Variants in PKIA observed in about 807,000 individuals in gnomAD.
PKIA encodes cAMP-dependent protein kinase inhibitor alpha, also known as PKI-alpha.
A neutral mutation model predicts 7.6 loss-of-function variants in PKIA; 4 were observed. The ratio of observed to expected loss-of-function variants is 0.52; its 90% CI spans 0.26 to 1.20. The LOEUF (loss-of-function observed/expected upper bound fraction) is 1.20. PKIA is among the 50% of genes most tolerant of loss of function. The pLI, the probability that PKIA is intolerant of heterozygous loss-of-function variation, is 0.13. For missense variants in PKIA, 73 were observed against 86.2 expected (o/e 0.85, Z 0.61); for synonymous variants, 21 against 30.7 (o/e 0.68, Z 1.04).
intron 2 of PKIA, among the ~76,000 whole-genome samples, chr8:78,579,828 G>A (rs968799217): frequency 6.6e-6 from 1 of 152,024 alleles, no homozygotes; most frequent in South Asian, 2.1e-4. Flanking sequence ...ATTCTGAACA[G>A]GAAATCAAGA....
intron 2 of PKIA, among the ~76,000 whole-genome samples, chr8:78,588,492 A>AAAC (rs1244361702): frequency 2.6e-5 from 4 of 152,096 alleles, no homozygotes; most frequent in Non-Finnish European, 5.9e-5. Context: ...AAAAAAATAT[A>AAAC]AACAACAACA....
At chr8:78,558,399 G>A (rs1343678763) in intron 1 of PKIA, 1 of 153,700 alleles carries the variant, frequency 6.5e-6, no homozygotes, top group African/African-American at 2.4e-5. Context: ...AGTCTGGGAA[G>A]AAAAAGAGGC....
At chr8:78,590,200 T>C (rs1808060135) in intron 2 of PKIA, among the ~76,000 whole-genome samples, 1 of 152,054 alleles carries the variant, frequency 6.6e-6, no homozygotes, top group Non-Finnish European at 1.5e-5. Flanking sequence ...AAGTGTGATA[T>C]TGTATAATTA....
chr8:78,578,271 G>A (rs1807724133), intron 2 of PKIA, among the ~76,000 whole-genome samples: 2 of 151,936 alleles, frequency 1.3e-5, no homozygotes, highest in Non-Finnish European at 2.9e-5. Flanking sequence ...CTTATGACAA[G>A]TCTCAAGCCT....
intron 1 of PKIA, among the ~76,000 whole-genome samples, chr8:78,550,931 A>G (rs186209456): frequency 6.6e-4 from 100 of 152,120 alleles, no homozygotes; most frequent in Non-Finnish European, 1.3e-3. Context: ...ATGTGTTACT[A>G]TGGAGGCACA....
intron 2 of PKIA, among the ~76,000 whole-genome samples, chr8:78,595,287 C>A (rs376985371): frequency 1.6e-4 from 25 of 152,058 alleles, no homozygotes; most frequent in East Asian, 1.5e-3. Flanking sequence ...AAAAGTGATT[C>A]AAGGAATTAA....
At chr8:78,558,197 TA>T (rs1807190054) in intron 1 of PKIA, among the ~76,000 whole-genome samples, 2 of 152,196 alleles carry the variant, frequency 1.3e-5, no homozygotes, top group Admixed American at 1.3e-4. Context: ...GCAGTGTCCC[TA>T]AAATATCTAT....
intron 1 of PKIA, among the ~76,000 whole-genome samples, chr8:78,572,541 G>GCACACACACA (rs1554582465): frequency 0.013 from 1,289 of 98,414 alleles, 19 homozygotes; most frequent in African/African-American, 0.049. Flanking sequence ...AAAGCTGCAC[G>GCACACACACA]CACACACACA....
At chr8:78,539,532 TCTAA>T (rs1806620322) in intron 1 of PKIA, among the ~76,000 whole-genome samples, 1 of 152,120 alleles carries the variant, frequency 6.6e-6, no homozygotes, top group Admixed American at 6.6e-5. Context: ...GTTGTTTTTC[TCTAA>T]CTCAGAGATT....
At chr8:78,546,066 G>C (rs1806813814) in intron 1 of PKIA, among the ~76,000 whole-genome samples, 1 of 152,268 alleles carries the variant, frequency 6.6e-6, no homozygotes, top group South Asian at 2.1e-4. Context: ...CCACAGAGAG[G>C]CTATCTTCAT....
At chr8:78,585,927 T>C (rs189458149) in intron 2 of PKIA, among the ~76,000 whole-genome samples, 1 of 152,330 alleles carries the variant, frequency 6.6e-6, no homozygotes, top group African/African-American at 2.4e-5. Flanking sequence ...CTGTTCCTTT[T>C]GCCTTCACTA....
At chr8:78,536,855 A>AAC (rs1210953333) in intron 1 of PKIA, among the ~76,000 whole-genome samples, 21 of 121,042 alleles carry the variant, frequency 1.7e-4, no homozygotes, top group Non-Finnish European at 2.8e-4. Flanking sequence ...GTAGCTAGAA[A>AAC]ACATACACAC....
chr8:78,579,721 G>A (rs1023704091), intron 2 of PKIA, among the ~76,000 whole-genome samples: 1 of 152,060 alleles, frequency 6.6e-6, no homozygotes, highest in Non-Finnish European at 1.5e-5. Context: ...AGAGAAATCT[G>A]AGGAATTGTA....
At chr8:78,596,880 C>T (rs1808237363) in intron 2 of PKIA, among the ~76,000 whole-genome samples, 1 of 152,132 alleles carries the variant, frequency 6.6e-6, no homozygotes. Flanking sequence ...AGGAAAAGGT[C>T]CAGTCTTCAA....
intron 1 of PKIA, among the ~76,000 whole-genome samples, chr8:78,555,468 C>T (rs1265247948): frequency 1.3e-5 from 2 of 152,016 alleles, no homozygotes; most frequent in African/African-American, 4.8e-5. Context: ...AACTTTTTGG[C>T]TTCTCCCAGT....
intron 1 of PKIA, among the ~76,000 whole-genome samples, chr8:78,556,027 T>C (rs977039835): frequency 6.6e-6 from 1 of 152,064 alleles, no homozygotes; most frequent in Non-Finnish European, 1.5e-5. Flanking sequence ...AAATAAAATA[T>C]GATAGAAAGC....
At chr8:78,596,584 T>C (rs1004753916) in intron 2 of PKIA, among the ~76,000 whole-genome samples, 1 of 152,200 alleles carries the variant, frequency 6.6e-6, no homozygotes, top group African/African-American at 2.4e-5. Context: ...GTCAGATGCA[T>C]AATTTGAGAC....
chr8:78,539,857 G>T (rs777777826), intron 1 of PKIA, among the ~76,000 whole-genome samples: 8 of 151,940 alleles, frequency 5.3e-5, no homozygotes, highest in Non-Finnish European at 1.0e-4. Context: ...TGAATGTGAA[G>T]ATTTCTCTAA....
At chr8:78,578,334 T>C (rs1807724938) in intron 2 of PKIA, among the ~76,000 whole-genome samples, 1 of 152,052 alleles carries the variant, frequency 6.6e-6, no homozygotes, top group Admixed American at 6.6e-5. Flanking sequence ...TCCCCTGAAA[T>C]TGATATTAAA....
Sources: gnomAD v4.1 joint callset for allele counts (sites outside exome capture counted in the v4.1 genomes callset) on GRCh38, gnomAD v4.1.1 for gene constraint, MANE v1.5 for transcripts, NCBI Gene and HGNC (gene_info 2026-07-23, HGNC 2026-07-21) for gene names.